DDX60L: variants seen among roughly 807,000 people sequenced by gnomAD.
DDX60L encodes probable ATP-dependent RNA helicase DDX60-like.
A neutral mutation model predicts 211.6 loss-of-function variants in DDX60L; 191 were observed. The ratio of observed to expected loss-of-function variants is 0.90; its 90% confidence interval spans 0.80 to 1.02. The LOEUF is 1.02. DDX60L is among the 50% of genes least tolerant of loss of function. The probability of loss-of-function intolerance (pLI) is 0.00; values close to 1 mark genes in which losing one functional copy is unlikely to be tolerated. For missense variants in DDX60L, 2,007 were observed against 1,984.1 expected (o/e 1.01, Z -0.22); for synonymous variants, 706 against 694.1 (o/e 1.02, Z -0.27).
chr4:168,441,636 T>A (rs550361980), intron 9 of DDX60L, 144 bp from the exon 10 acceptor site: 13 of 616,512 alleles, frequency 2.1e-5, no homozygotes, highest in South Asian at 5.4e-5. Flanking sequence ...TACACTTGCA[T>A]GAAAATTAGT....
At chr4:168,456,310 G>T (rs1756563833) in intron 6 of DDX60L, among the ~76,000 whole-genome samples, 158 bp from the exon 7 acceptor site, 1 of 152,064 alleles carries the variant, frequency 6.6e-6, no homozygotes, top group Non-Finnish European at 1.5e-5. Flanking sequence ...TCATTTTAAT[G>T]ATAGAAAATT....
intron 1 of DDX60L, 59 bp downstream of exon 1, chr4:168,480,318 C>A (rs977725613): frequency 6.6e-6 from 1 of 152,440 alleles, no homozygotes; most frequent in Non-Finnish European, 1.5e-5. Flanking sequence ...CTAGAACCCC[C>A]GCGGGACAGC....
At position 168,375,423 on chromosome 4, in the gene DDX60L, C is replaced by A; in HGVS notation, c.4587G>T (p.Lys1529Asn). The A allele has an allele frequency of 1.2e-6, 2 of 1,612,922 alleles. No homozygotes were observed. Among genetic ancestry groups the A allele is most frequent in the Non-Finnish European group, 1.7e-6 (2 of 1,179,440 alleles). The change falls in exon 34 of 38, where the codon AAG (lysine) becomes AAT (asparagine). Residue 1529 changes from lysine (K) to asparagine (N), a missense_variant. Transcript: ENST00000682922. ...GATGCTCTTTTTTCATGTTCACCGA[C>A]TTGGAAGCAATCAGCAGGAAGGAGG... ...DFASFLLIAS[K>N]SVNMKKEHQL...
intron 36 of DDX60L, among the ~76,000 whole-genome samples, chr4:168,369,961 T>A (rs1283168435): frequency 2.6e-5 from 4 of 152,132 alleles, no homozygotes; most frequent in African/African-American, 9.7e-5. Context: ...AACCCTTACA[T>A]GCTGTGGGTA....
chr4:168,380,026 T>C (rs1033300508), intron 30 of DDX60L, 196 bp from the exon 31 acceptor site: 3 of 465,750 alleles, frequency 6.4e-6, no homozygotes, highest in African/African-American at 2.0e-5. Context: ...AAATACATCA[T>C]ATAAAGCAGA....
chr4:168,381,192 T>C (rs1302119930), intron 30 of DDX60L, among the ~76,000 whole-genome samples: 2 of 152,202 alleles, frequency 1.3e-5, no homozygotes, highest in East Asian at 3.8e-4. Context: ...AAGCCTATTT[T>C]CTGGGCAGGA....
At chr4:168,452,554 G>A (rs76137380) in intron 8 of DDX60L, among the ~76,000 whole-genome samples, 4,087 of 152,036 alleles carry the variant, frequency 0.027, 179 homozygotes, top group African/African-American at 0.091. Flanking sequence ...CAACTACTAT[G>A]TACTCACAAA....
intron 15 of DDX60L, among the ~76,000 whole-genome samples, chr4:168,423,202 C>A (rs1357570789): frequency 6.6e-6 from 1 of 152,046 alleles, no homozygotes; most frequent in Non-Finnish European, 1.5e-5. Flanking sequence ...AGTCAAATAG[C>A]AGATATTAAC....
chr4:168,399,303 C>T (rs767556591), intron 26 of DDX60L, among the ~76,000 whole-genome samples: 6 of 152,160 alleles, frequency 3.9e-5, no homozygotes, highest in Non-Finnish European at 7.3e-5. Flanking sequence ...CTCCCCAAGC[C>T]ATGGCTGTGA....
chr4:168,432,930 T>G, intron 11 of DDX60L, 80 bp downstream of exon 11: 3 of 826,414 alleles, frequency 3.6e-6, no homozygotes, highest in Non-Finnish European at 5.9e-6. Flanking sequence ...ATATATTACA[T>G]AGACATTTTG....
intron 28 of DDX60L, among the ~76,000 whole-genome samples, chr4:168,392,094 A>G (rs937920019): frequency 4.6e-5 from 7 of 152,240 alleles, no homozygotes; most frequent in African/African-American, 7.2e-5. Flanking sequence ...CAATAACTGC[A>G]TGAATGAATG....
At chr4:168,458,490 C>G (rs1451914142) in intron 5 of DDX60L, among the ~76,000 whole-genome samples, 1 of 152,120 alleles carries the variant, frequency 6.6e-6, no homozygotes, top group East Asian at 1.9e-4. Context: ...GGAACAACAT[C>G]ATGTCCTTCA....
intron 36 of DDX60L, among the ~76,000 whole-genome samples, chr4:168,363,057 A>C (rs1739370493): frequency 6.6e-6 from 1 of 152,206 alleles, no homozygotes; most frequent in Non-Finnish European, 1.5e-5. Flanking sequence ...TAAATGCTGA[A>C]GAGAAAAGCA....
At chr4:168,463,631 G>T (rs1757608088) in intron 4 of DDX60L, among the ~76,000 whole-genome samples, 1 of 152,014 alleles carries the variant, frequency 6.6e-6, no homozygotes. Context: ...TGACACTCTA[G>T]CCTACTAGAC....
chr4:168,421,379 G>A (rs933972114), intron 17 of DDX60L, among the ~76,000 whole-genome samples: 2 of 152,092 alleles, frequency 1.3e-5, no homozygotes, highest in Admixed American at 1.3e-4. Flanking sequence ...TAGTTTCTTG[G>A]CCGGGCACGG....
intron 4 of DDX60L, among the ~76,000 whole-genome samples, chr4:168,464,920 T>C (rs1306561912): frequency 6.6e-6 from 1 of 152,110 alleles, no homozygotes; most frequent in African/African-American, 2.4e-5. Flanking sequence ...TTAGTTTGTT[T>C]CCATATGTTG....
rs1381540803 is a variant in DDX60L, at chr4:168,375,371, G to A, written c.4633+6C>T. 1 of 1,610,424 alleles carries A rather than the reference G, an allele frequency of 6.2e-7. No homozygotes were observed. The highest frequency in any genetic ancestry group is 1.7e-5 in the Admixed American group (1 of 59,522). On this transcript the variant is annotated splice_donor_region_variant and intron_variant, in intron 34 of 37. Coordinates refer to ENST00000682922, the MANE Select transcript of DDX60L (RefSeq NM_001012967.3). Reference sequence around the variant, plus strand: ...TTGTTCCGGAATGGAACTAAAATCTGCTTACTGATTCTTGACAAAGGGAGT... The same window carrying A: ...TTGTTCCGGAATGGAACTAAAATCTACTTACTGATTCTTGACAAAGGGAGT...
chr4:168,417,630 A>G (rs1749784432), intron 19 of DDX60L, among the ~76,000 whole-genome samples: 1 of 152,120 alleles, frequency 6.6e-6, no homozygotes, highest in South Asian at 2.1e-4. Context: ...TGGTACATTT[A>G]CTTATTTAAT....
chr4:168,376,792 C>A lies in DDX60L; in HGVS notation c.4486-1268G>T, dbSNP rs116130549. 3.6e-3 allele frequency among the ~76,000 whole-genome samples: 545 copies of A among 152,318 alleles called. 3 individuals are homozygous for A. Among genetic ancestry groups the A allele is most frequent in the African/African-American group, 0.012 (507 of 41,576 alleles). On this transcript the variant is annotated intron_variant, in intron 33 of 37. Transcript: ENST00000682922. ...GAATGTGTATGCTATACAGCCCCAT[C>A]AGGAGAGCAAGCTCTTGGAAGGTAG...
Sources: gnomAD v4.1 joint callset for allele counts (sites outside exome capture counted in the v4.1 genomes callset) on GRCh38, gnomAD v4.1.1 for gene constraint, MANE v1.5 for transcripts, NCBI Gene and HGNC (gene_info 2026-07-23, HGNC 2026-07-21) for gene names.